The following JAZF1 variants were observed in gnomAD, a reference collection of about 807,000 sequenced individuals.
JAZF1 encodes the protein juxtaposed with another zinc finger protein 1.
In JAZF1, 8 loss-of-function variants were observed where a neutral mutation model predicts 26.4. That is an observed-to-expected ratio of 0.30 (90% confidence interval 0.18 to 0.55). The LOEUF is 0.55. Ranked by LOEUF, JAZF1 falls within the 20% of genes least tolerant of loss-of-function variation. JAZF1 has a pLI of 0.94. For missense variants in JAZF1, 199 were observed against 322.0 expected (o/e 0.62, Z 2.92); for synonymous variants, 126 against 122.3 (o/e 1.03, Z -0.20).
At chr7:27,852,281 G>A (rs1338965626) in intron 3 of JAZF1, among the ~76,000 whole-genome samples, 2 of 151,844 alleles carry the variant, frequency 1.3e-5, no homozygotes, top group African/African-American at 2.4e-5. Flanking sequence ...ACAGACGTGC[G>A]CCCCAACACC....
In JAZF1 at chr7:28,162,055, T is replaced by A. The variant is rs150790263; in HGVS notation, c.115+18408A>T. On this transcript the variant is annotated intron_variant, in intron 1 of 4. Coordinates refer to ENST00000283928, the MANE Select transcript of JAZF1 (RefSeq NM_175061.4). ...ATTAATTGTCATTATAACCATCTAC[T>A]CTCTCCATTAAACCATTAGGCTATA... 8.9e-3 allele frequency among the ~76,000 whole-genome samples: 1,359 copies of A among 152,268 alleles called. 12 individuals are homozygous for A. Among genetic ancestry groups the A allele is most frequent in the Middle Eastern group, 0.017 (5 of 294 alleles).
chr7:27,942,766 C>T (rs1200889666), intron 2 of JAZF1, among the ~76,000 whole-genome samples: 2 of 152,272 alleles, frequency 1.3e-5, no homozygotes, highest in South Asian at 2.1e-4. Context: ...TTCCCCACAC[C>T]GTTATGTGGC....
chr7:28,013,907 A>G (rs1389368251), intron 1 of JAZF1, among the ~76,000 whole-genome samples: 1 of 152,206 alleles, frequency 6.6e-6, no homozygotes, highest in East Asian at 1.9e-4. Flanking sequence ...AGAAGAACAG[A>G]CTGCCATCAA....
At chr7:28,130,488 C>T (rs886884419) in intron 1 of JAZF1, among the ~76,000 whole-genome samples, 3 of 152,148 alleles carry the variant, frequency 2.0e-5, no homozygotes, top group Admixed American at 6.6e-5. Context: ...TGTGAGTTTA[C>T]GTAACGACCC....
At chr7:28,065,091 A>G (rs2128383501) in intron 1 of JAZF1, among the ~76,000 whole-genome samples, 1 of 152,302 alleles carries the variant, frequency 6.6e-6, no homozygotes, top group Non-Finnish European at 1.5e-5. Context: ...GCAGACAATA[A>G]CCTACATATT....
intron 3 of JAZF1, among the ~76,000 whole-genome samples, chr7:27,851,741 T>C (rs1783154345): frequency 6.6e-6 from 1 of 152,164 alleles, no homozygotes; most frequent in Admixed American, 6.5e-5. Context: ...TCACAATGAC[T>C]ACCAAGCCTA....
intron 1 of JAZF1, among the ~76,000 whole-genome samples, chr7:28,083,195 C>T (rs1784163615): frequency 3.3e-5 from 5 of 152,152 alleles, no homozygotes; most frequent in Admixed American, 2.6e-4. Context: ...TCTTGGGGTT[C>T]ACATCTCTCA....
At chr7:27,915,098 AT>A (rs954257835) in intron 2 of JAZF1, among the ~76,000 whole-genome samples, 25 of 152,328 alleles carry the variant, frequency 1.6e-4, no homozygotes, top group African/African-American at 5.5e-4. Flanking sequence ...TATTAAAAAA[AT>A]AATCACCATC....
chr7:28,035,359 G>T (rs921301767), intron 1 of JAZF1, among the ~76,000 whole-genome samples: 21 of 109,318 alleles, frequency 1.9e-4, no homozygotes, highest in African/African-American at 3.2e-5. Context: ...AAAGAAACAG[G>T]CCCAATTTAT....
At chr7:27,896,386 A>G (rs1784063153) in intron 2 of JAZF1, among the ~76,000 whole-genome samples, 2 of 152,282 alleles carry the variant, frequency 1.3e-5, no homozygotes, top group South Asian at 4.1e-4. Flanking sequence ...ATTTTTGAAA[A>G]TTGCCATAGA....
At chr7:27,935,981 C>G (rs1784758464) in intron 2 of JAZF1, among the ~76,000 whole-genome samples, 2 of 152,176 alleles carry the variant, frequency 1.3e-5, no homozygotes, top group South Asian at 4.1e-4. Context: ...AGAGGGTGCT[C>G]ACTCCCAGTA....
At chr7:27,865,021 G>A (rs1272035839) in intron 3 of JAZF1, among the ~76,000 whole-genome samples, 1 of 152,132 alleles carries the variant, frequency 6.6e-6, no homozygotes, top group Non-Finnish European at 1.5e-5. Flanking sequence ...ATTTAATGGG[G>A]CATGACGAGC....
chr7:28,165,112 T>C (rs776769356), intron 1 of JAZF1, among the ~76,000 whole-genome samples: 1 of 152,122 alleles, frequency 6.6e-6, no homozygotes, highest in Non-Finnish European at 1.5e-5. Flanking sequence ...GAGGCTGCAG[T>C]GAGCCAAGAT....
chr7:28,102,712 TTGCTTCTC>T (rs1784492491), intron 1 of JAZF1, among the ~76,000 whole-genome samples: 1 of 152,236 alleles, frequency 6.6e-6, no homozygotes, highest in Non-Finnish European at 1.5e-5. Context: ...GTCTTTCCTT[TTGCTTCTC>T]TGTTTTTCTA....
At chr7:27,834,494 C>T (rs1218688897) in intron 4 of JAZF1, among the ~76,000 whole-genome samples, 2 of 152,226 alleles carry the variant, frequency 1.3e-5, no homozygotes, top group African/African-American at 2.4e-5. Flanking sequence ...CACCTGGCTC[C>T]AGGCCTTCTG....
At chr7:27,908,384 G>GC (rs1433111289) in intron 2 of JAZF1, among the ~76,000 whole-genome samples, 1 of 152,224 alleles carries the variant, frequency 6.6e-6, no homozygotes, top group East Asian at 1.9e-4. Context: ...CTGTGACAAA[G>GC]CATGTGCATG....
chr7:28,020,672 G>A (rs1471933919), intron 1 of JAZF1: 6 of 471,112 alleles, frequency 1.3e-5, no homozygotes, highest in East Asian at 6.9e-5. Flanking sequence ...AGTAGAGGTA[G>A]AAGTGAGCGA....
intron 4 of JAZF1, among the ~76,000 whole-genome samples, chr7:27,836,862 C>T (rs542731323): frequency 1.3e-5 from 2 of 152,138 alleles, no homozygotes; most frequent in African/African-American, 4.8e-5. Context: ...TAGACAATTA[C>T]AGAAATTCAG....
At chr7:28,161,523 G>A (rs1183128133) in intron 1 of JAZF1, among the ~76,000 whole-genome samples, 1 of 152,168 alleles carries the variant, frequency 6.6e-6, no homozygotes, top group Admixed American at 6.5e-5. Flanking sequence ...AGGAAGTACA[G>A]AACATGTGCT....
Sources: allele counts gnomAD v4.1 joint callset (sites outside exome capture counted in the v4.1 genomes callset), GRCh38; gene constraint gnomAD v4.1.1; transcripts MANE v1.5; gene names NCBI Gene and HGNC (gene_info 2026-07-23, HGNC 2026-07-21).